The following PATJ variants were observed in gnomAD, a reference collection of about 807,000 sequenced individuals.
PATJ encodes the protein PATJ crumbs cell polarity complex component, also known as inaD-like protein.
In PATJ, 190 loss-of-function variants were observed where a neutral mutation model predicts 224.9. That is an observed-to-expected ratio of 0.84 (90% confidence interval 0.75 to 0.95). The LOEUF (loss-of-function observed/expected upper bound fraction) is 0.95. Ranked by LOEUF, PATJ falls within the 40% of genes least tolerant of loss-of-function variation. The pLI is 0.00. For missense variants in PATJ, 2,121 were observed against 2,270.3 expected, an observed-to-expected ratio of 0.93 and a Z score of 1.34; for synonymous variants, 769 against 820.3, an observed-to-expected ratio of 0.94 and a Z score of 1.07.
At chr1:61,901,951 G>A (rs573402570) in intron 24 of PATJ, among the ~76,000 whole-genome samples, 6 of 152,260 alleles carry the variant, frequency 3.9e-5, no homozygotes, top group African/African-American at 1.4e-4. Context: ...GGCCGAGCAC[G>A]GTGGCTCATG....
At chr1:61,827,634 A>C in intron 16 of PATJ, 51 bp downstream of exon 16, 1 of 1,562,024 alleles carries the variant, frequency 6.4e-7, no homozygotes, top group Non-Finnish European at 8.7e-7. Flanking sequence ...TTCATCAAAG[A>C]TGCCCCGAAG....
In PATJ at chr1:62,161,331, C is replaced by CTTTTTTTTTTTTTTTTTTTTTTTTTTTTT. The variant is rs557464862; in HGVS notation, c.*302_*303insTTTTTTTTTTTTTTTTTTTTTTTTTTTTT. Reference sequence around the variant, plus strand: ...GCATTTAATTTCAGTGTTCCGATTTCTTTTTTTTTTTTTTTTTTTTTTTTT... The same window carrying CTTTTTTTTTTTTTTTTTTTTTTTTTTTTT: ...GCATTTAATTTCAGTGTTCCGATTTCTTTTTTTTTTTTTTTTTTTTTTTTTTTTTTTTTTTTTTTTTTTTTTTTTTTTTT... On this transcript the variant is annotated 3_prime_UTR_variant, in exon 44 of 44. Coordinates refer to ENST00000642238, the MANE Select transcript of PATJ (RefSeq NM_001350145.3). 1 of 92,682 alleles carries CTTTTTTTTTTTTTTTTTTTTTTTTTTTTT rather than the reference C, an allele frequency of 1.1e-5. No individual in the cohort carries two copies. The highest frequency in any genetic ancestry group is 2.0e-5 in the Non-Finnish European group (1 of 50,196). 5.7% of individuals were successfully genotyped at this position (92,682 alleles called of 1,614,324 possible). A position where few individuals can be genotyped will look rare whatever the true frequency, so the allele number is the denominator to read the frequency against.
chr1:61,855,977 G>A, intron 17 of PATJ, 53 bp from the exon 18 acceptor site: 3 of 1,336,774 alleles, frequency 2.2e-6, no homozygotes, highest in Non-Finnish European at 2.2e-6. Context: ...TCCTAAGGCT[G>A]CATATTTATT....
At chr1:61,926,162 T>A (rs1475219253) in intron 26 of PATJ, among the ~76,000 whole-genome samples, 1 of 152,154 alleles carries the variant, frequency 6.6e-6, no homozygotes, top group South Asian at 2.1e-4. Flanking sequence ...TGTTTTGTGC[T>A]CTACCCTGGT....
intron 22 of PATJ, among the ~76,000 whole-genome samples, chr1:61,897,602 C>A (rs1427249499): frequency 1.3e-5 from 2 of 152,190 alleles, no homozygotes; most frequent in African/African-American, 4.8e-5. Flanking sequence ...GGGCATAGAG[C>A]AAAAGGCTCC....
At chr1:62,004,497 C>T (rs1027523154) in intron 28 of PATJ, among the ~76,000 whole-genome samples, 1 of 151,796 alleles carries the variant, frequency 6.6e-6, no homozygotes, top group Non-Finnish European at 1.5e-5. Context: ...TTTTTCACCC[C>T]GAGTAAATAC....
intron 1 of PATJ, among the ~76,000 whole-genome samples, chr1:61,749,503 A>G (rs1462207111): frequency 2.6e-5 from 4 of 152,156 alleles, no homozygotes; most frequent in Admixed American, 1.3e-4. Context: ...TGAAGTACAC[A>G]TTTAGTTCTA....
chr1:61,886,324 A>G (rs1417485202), intron 22 of PATJ, among the ~76,000 whole-genome samples: 1 of 152,214 alleles, frequency 6.6e-6, no homozygotes, highest in East Asian at 1.9e-4. Flanking sequence ...ACATTTTAAC[A>G]AAAGTGTCCT....
At chr1:62,093,052 A>G (rs566732089) in intron 33 of PATJ, among the ~76,000 whole-genome samples, 11 of 152,064 alleles carry the variant, frequency 7.2e-5, no homozygotes, top group Non-Finnish European at 1.3e-4. Context: ...CGAGAGTTAG[A>G]ATCTTGTCAT....
At chr1:61,900,062 G>C (rs1357404682) in intron 23 of PATJ, among the ~76,000 whole-genome samples, 1 of 152,178 alleles carries the variant, frequency 6.6e-6, no homozygotes, top group African/African-American at 2.4e-5. Flanking sequence ...GTCCACGTTT[G>C]TGCTAACAGA....
chr1:61,991,423 T>G, intron 28 of PATJ: 1 of 855,984 alleles, frequency 1.2e-6, no homozygotes, highest in Non-Finnish European at 1.4e-6. Flanking sequence ...CACTGAGTGT[T>G]AGACTGCTTA....
At chr1:62,041,579 A>T (rs561019986) in intron 30 of PATJ, among the ~76,000 whole-genome samples, 23 of 152,342 alleles carry the variant, frequency 1.5e-4, no homozygotes, top group African/African-American at 4.1e-4. Flanking sequence ...AGAGTCATGG[A>T]TAAACCTAGA....
intron 10 of PATJ, among the ~76,000 whole-genome samples, chr1:61,796,445 A>G (rs1570548096): frequency 6.6e-6 from 1 of 152,328 alleles, no homozygotes; most frequent in East Asian, 1.9e-4. Flanking sequence ...TTTGATAATA[A>G]TGGCTTCTAT....
intron 43 of PATJ, among the ~76,000 whole-genome samples, chr1:62,155,655 A>G (rs1669108995): frequency 7.9e-5 from 12 of 151,386 alleles, no homozygotes; most frequent in Non-Finnish European, 1.5e-5. Flanking sequence ...TTCGTTACTT[A>G]CAGAATGGCA....
intron 22 of PATJ, among the ~76,000 whole-genome samples, chr1:61,894,748 C>T (rs1368512174): frequency 1.3e-5 from 2 of 152,138 alleles, no homozygotes; most frequent in African/African-American, 4.8e-5. Context: ...TGGAGTACTG[C>T]TATAAAGATA....
intron 32 of PATJ, 117 bp from the exon 33 acceptor site, chr1:62,084,398 G>T: frequency 1.9e-6 from 2 of 1,074,560 alleles, no homozygotes. Context: ...ATGGTGTTTG[G>T]CAGGAAAAGA....
At chr1:61,982,041 C>T (rs922026739) in intron 27 of PATJ, among the ~76,000 whole-genome samples, 1 of 151,966 alleles carries the variant, frequency 6.6e-6, no homozygotes, top group Non-Finnish European at 1.5e-5. Flanking sequence ...CTGTCACATA[C>T]ACATCTGCAG....
At chr1:61,785,559 A>C (rs1035045808) in intron 7 of PATJ, among the ~76,000 whole-genome samples, 2 of 152,324 alleles carry the variant, frequency 1.3e-5, no homozygotes, top group Admixed American at 1.3e-4. Context: ...GAGATGGTAC[A>C]TGAAAGTGAT....
intron 17 of PATJ, 138 bp downstream of exon 17, chr1:61,833,923 T>C (rs777753888): frequency 7.6e-6 from 5 of 660,714 alleles, no homozygotes; most frequent in African/African-American, 1.9e-5. Context: ...CTACTTTCAA[T>C]TGTTACCTTT....
Sources: allele counts gnomAD v4.1 joint callset (sites outside exome capture counted in the v4.1 genomes callset), GRCh38; gene constraint gnomAD v4.1.1; transcripts MANE v1.5; gene names NCBI Gene and HGNC (gene_info 2026-07-23, HGNC 2026-07-21).